TRPM2: variants seen among roughly 807,000 people sequenced by gnomAD.
TRPM2 encodes estrogen-responsive element-associated gene 1 protein.
TRPM2 carries 161 observed loss-of-function variants against 174.0 expected under a neutral mutation model. The observed-to-expected ratio is 0.93, with a 90% CI of 0.81 to 1.05. The LOEUF (loss-of-function observed/expected upper bound fraction) is 1.05, where lower values mean the gene tolerates loss of function less well. TRPM2 is among the 50% of genes least tolerant of loss of function. The probability of loss-of-function intolerance (pLI) is 0.00; values close to 1 mark genes in which losing one functional copy is unlikely to be tolerated. For synonymous variants in TRPM2, 954 were observed against 861.3 expected (o/e 1.11, Z -1.88); for missense variants, 2,057 against 2,038.0 (o/e 1.01, Z -0.18).
chr21:44,374,136 G>A lies in TRPM2; in HGVS notation c.772-1697G>A, dbSNP rs182332587. ...AGCAAATCTCCCACCTTAGCCTCCC[G>A]AGTAGCTGGGATTACAGGCATGTGC... On this transcript the variant is annotated intron_variant, in intron 5 of 31. Coordinates refer to ENST00000397928, the MANE Select transcript of TRPM2 (RefSeq NM_003307.4). 2.6e-5 allele frequency among the ~76,000 whole-genome samples: 4 copies of A among 151,626 alleles called. No homozygotes were observed. The East Asian group carries it at 5.8e-4, about 22-fold the overall frequency.
chr21:44,355,653 G>A (rs1054086007), intron 2 of TRPM2, among the ~76,000 whole-genome samples: 1 of 152,140 alleles, frequency 6.6e-6, no homozygotes, highest in East Asian at 1.9e-4. Context: ...GGGCTGGGAC[G>A]AAAGCAGAGT....
At chr21:44,364,448 G>A (rs1030871036) in intron 3 of TRPM2, among the ~76,000 whole-genome samples, 166 bp downstream of exon 3, 17 of 152,192 alleles carry the variant, frequency 1.1e-4, no homozygotes, top group African/African-American at 4.1e-4. Flanking sequence ...GGCTCTGCAA[G>A]GCAAGCAAGA....
chr21:44,356,091 T>A (rs2048050388), intron 2 of TRPM2, among the ~76,000 whole-genome samples: 1 of 130,552 alleles, frequency 7.7e-6, no homozygotes, highest in African/African-American at 2.7e-5. Flanking sequence ...ACGCCTGTAA[T>A]CCCAGCACTT....
In TRPM2 at chr21:44,406,754, G is replaced by A. The variant is rs770594848; in HGVS notation, c.2951G>A (p.Gly984Asp). 10 of 1,604,052 alleles carry A rather than the reference G, an allele frequency of 6.2e-6. No individual in the cohort carries two copies. The highest frequency in any genetic ancestry group is 8.5e-6 in the Non-Finnish European group (10 of 1,177,222). ...CTCACCATCTTCGGGCAGATCCCGG[G>A]CTACATCGACGGTAGGAGCCGGGCG... ...SYLTIFGQIPGYIDGVNFNPE... is the reference protein window; with the variant it reads ...SYLTIFGQIPDYIDGVNFNPE... Residue 984 changes from glycine (G) to aspartate (D), a missense_variant, in exon 19 of 32, where the codon GGC becomes GAC. By Grantham distance (94) the Gly-to-Asp change is moderately conservative. Coordinates refer to ENST00000397928, the MANE Select transcript of TRPM2 (RefSeq NM_003307.4).
rs1240599000 is a variant in TRPM2, at chr21:44,395,562, TG to T, written c.1932+13del. On this transcript the variant is annotated intron_variant, in intron 12 of 31. Transcript: ENST00000397928. ...ATCATCTGGGCTCAGGTAATAAGAC[TG>T]GCTTCTCAGTCTCAGCAGACACAGC... 6.2e-7 allele frequency: 1 copy of T among 1,612,600 alleles called. No homozygotes were observed. The highest frequency in any genetic ancestry group is 1.3e-5 in the African/African-American group (1 of 75,012).
In TRPM2 at chr21:44,399,323, A is replaced by G; in HGVS notation, c.2090A>G (p.Asp697Gly). Residue 697 changes from aspartate to glycine, a missense_variant, in exon 14 of 32, where the codon GAC becomes GGC. By Grantham distance (94) the Asp-to-Gly change is moderately conservative. Transcript: ENST00000397928. This position sits in a 1 kb window ranked among gnomAD's most constrained non-coding sequence, Gnocchi z 4.6. ...GTCTTCACCGAGTGCTACCGGAAGGACGAAGAGAGAGCCCAGAAACTGCTC... is the reference window on the plus strand; with the variant it reads ...GTCTTCACCGAGTGCTACCGGAAGGGCGAAGAGAGAGCCCAGAAACTGCTC... ...IGVFTECYRK[D>G]EERAQKLLTR... 6.2e-7 allele frequency: 1 copy of G among 1,612,718 alleles called. No homozygotes were observed. The highest frequency in any genetic ancestry group is 8.5e-7 in the Non-Finnish European group (1 of 1,179,858).
At chr21:44,430,729 G>A (rs2050990065) in intron 27 of TRPM2, among the ~76,000 whole-genome samples, 1 of 151,572 alleles carries the variant, frequency 6.6e-6, no homozygotes, top group African/African-American at 2.4e-5. Flanking sequence ...GCGCCCGGCC[G>A]AGCAAGTGGA....
rs779687519 is a variant in TRPM2 at position 44,375,861 on chromosome 21, A to T, written c.800A>T (p.Asp267Val). ...TGSFPAEYIL[D>V]EDGQGNLTCL... is the part of the protein sequence containing the mutation. ...AGCTTCCCCGCCGAGTACATACTGG[A>T]TGAGGATGGCCAAGGGAACCTGACC... The change falls in exon 6 of 32, where the codon GAT (aspartate) becomes GTT (valine). Residue 267 changes from aspartate to valine, a missense_variant. Coordinates refer to ENST00000397928, the MANE Select transcript of TRPM2 (RefSeq NM_003307.4). 2.8e-5 allele frequency: 45 copies of T among 1,613,814 alleles called. No homozygotes were observed. In the South Asian group the frequency reaches 4.9e-4, roughly 18 times the overall value.
chr21:44,356,143 A>G (rs2048054483), intron 2 of TRPM2, among the ~76,000 whole-genome samples: 1 of 132,018 alleles, frequency 7.6e-6, no homozygotes, highest in East Asian at 2.7e-4. Flanking sequence ...CGGCCTCCCA[A>G]AGTGCTGGGA....
At chr21:44,401,931 C>T (rs577813537) in intron 16 of TRPM2, 34 bp downstream of exon 16, 23 of 1,609,582 alleles carry the variant, frequency 1.4e-5, no homozygotes, top group East Asian at 4.5e-5. Flanking sequence ...CGCCCCAGCC[C>T]GGGGCCACCC....
intron 22 of TRPM2, among the ~76,000 whole-genome samples, chr21:44,419,700 AGTGGTGGTGATG>A (rs2050458349): frequency 5.8e-5 from 7 of 120,726 alleles, no homozygotes; most frequent in African/African-American, 1.6e-4. Context: ...CTGTAATGGA[AGTGGTGGTGATG>A]GTGGTGGTGA....
chr21:44,378,378 G>A (rs1452639677), intron 7 of TRPM2, among the ~76,000 whole-genome samples: 1 of 152,238 alleles, frequency 6.6e-6, no homozygotes, highest in African/African-American at 2.4e-5. Flanking sequence ...GGGATCACAG[G>A]CAATGTCCCG....
intron 2 of TRPM2, among the ~76,000 whole-genome samples, chr21:44,356,414 G>A (rs895560108): frequency 5.3e-5 from 8 of 151,684 alleles, no homozygotes; most frequent in Non-Finnish European, 7.4e-5. Context: ...GATCTCACAC[G>A]AGAAAGTATT....
intron 28 of TRPM2, 79 bp from the exon 29 acceptor site, chr21:44,436,983 C>A: frequency 7.5e-7 from 1 of 1,331,674 alleles, no homozygotes; most frequent in Non-Finnish European, 1.0e-6. Flanking sequence ...CCGCCCCAGG[C>A]AGGGCCAGCC....
chr21:44,422,370 C>T, intron 22 of TRPM2: 1 of 1,536,122 alleles, frequency 6.5e-7, no homozygotes, highest in Non-Finnish European at 8.7e-7. Flanking sequence ...CGAGAAGGCT[C>T]CAGTAACCAC....
chr21:44,369,284 A>G lies in TRPM2; in HGVS notation c.712A>G (p.Thr238Ala). The G allele has an allele frequency of 6.2e-7, 1 of 1,613,730 alleles. No individual in the cohort carries two copies. Among genetic ancestry groups the G allele is most frequent in the Non-Finnish European group, 8.5e-7 (1 of 1,179,902 alleles). ...SSSYKEGELI[T>A]IGVATWGTVH... ...CAGCTACAAGGAAGGCGAGCTCATC[A>G]CCATCGGAGTCGCCACCTGGGGCAC... Residue 238 changes from threonine (T) to alanine (A), a missense_variant, in exon 5 of 32, where the codon ACC (threonine) becomes GCC (alanine). Thr to Ala is a moderately conservative substitution (Grantham distance 58, BLOSUM62 0). Coordinates refer to ENST00000397928, the MANE Select transcript of TRPM2 (RefSeq NM_003307.4).
At position 44,366,881 on chromosome 21, in the gene TRPM2, C is replaced by T. The variant is rs377142675; in HGVS notation, c.551C>T (p.Pro184Leu). The T allele has an allele frequency of 2.5e-5, 41 of 1,612,678 alleles. No homozygotes were observed. The highest frequency in any genetic ancestry group is 1.6e-4 in the Middle Eastern group (1 of 6,062). The change falls in exon 4 of 32, where the codon CCG becomes CTG. Residue 184 changes from proline (P) to leucine (L), a missense_variant. By Grantham distance (98) the Pro-to-Leu change is moderately conservative (BLOSUM62 -3). Transcript: ENST00000397928. This position sits in a 1 kb window ranked among gnomAD's most constrained non-coding sequence, Gnocchi z 6.0. ...TGGAKNFNMK[P>L]RLKSIFRRGL... ...GGGGCCAAGAACTTCAACATGAAGC[C>T]GCGGCTGAAGAGCATTTTCCGCAGA... is the stretch of plus-strand genomic sequence containing the variant.
Position 44,439,941 on chromosome 21 carries a change from A to G in TRPM2, c.4269+773A>G, listed in dbSNP as rs1350418590. Among the ~76,000 whole-genome samples, 3 of 151,908 alleles carry G rather than the reference A, an allele frequency of 2.0e-5. No homozygotes were observed. Among genetic ancestry groups the G allele is most frequent in the African/African-American group, 7.2e-5 (3 of 41,396 alleles). On this transcript the variant is annotated intron_variant, in intron 30 of 31. Transcript: ENST00000397928. This position sits in a 1 kb window ranked among gnomAD's most constrained non-coding sequence, Gnocchi z 5.1. ...TTTGGCCATGTTGCCCAGGCTGGTC[A>G]TGAACTGGGCTCAAGCGATCTGCCC...
At chr21:44,431,160 G>A (rs1467961202) in intron 27 of TRPM2, among the ~76,000 whole-genome samples, 2 of 151,592 alleles carry the variant, frequency 1.3e-5, no homozygotes, top group African/African-American at 4.8e-5. Context: ...AACTTTCCTG[G>A]TTTTCTAATA....
Sources: allele counts gnomAD v4.1 joint callset (sites outside exome capture counted in the v4.1 genomes callset), GRCh38; gene constraint gnomAD v4.1.1; non-coding constraint Gnocchi (gnomAD v3.1); transcripts MANE v1.5; gene names NCBI Gene and HGNC (gene_info 2026-07-23, HGNC 2026-07-21).